The following PHF14 variants were observed in gnomAD, a reference collection of about 807,000 sequenced individuals.
The protein encoded by PHF14 is PHD finger protein 14.
A neutral mutation model predicts 117.9 loss-of-function variants in PHF14; 55 were observed. The observed-to-expected ratio is 0.47, with a 90% CI of 0.38 to 0.58. The LOEUF (loss-of-function observed/expected upper bound fraction) is 0.58. Ranked by LOEUF, PHF14 falls within the 20% of genes least tolerant of loss-of-function variation. The probability of loss-of-function intolerance (pLI) is 0.00; values close to 1 mark genes in which losing one functional copy is unlikely to be tolerated. For synonymous variants in PHF14, 409 were observed against 368.6 expected, an observed-to-expected ratio of 1.11 and a Z score of -1.26; for missense variants, 978 against 1,122.2, an observed-to-expected ratio of 0.87 and a Z score of 1.84.
chr7:11,072,253 T>C (rs956831683), intron 16 of PHF14, among the ~76,000 whole-genome samples: 2 of 152,120 alleles, frequency 1.3e-5, no homozygotes, highest in Non-Finnish European at 2.9e-5. Context: ...ATGTGAGAGA[T>C]GCTGTATACT....
intron 17 of PHF14, among the ~76,000 whole-genome samples, chr7:11,144,533 A>G (rs1788493360): frequency 6.7e-6 from 1 of 150,228 alleles, no homozygotes; most frequent in South Asian, 2.1e-4. Context: ...TAAACTATGT[A>G]CCTGCACCCC....
chr7:10,985,168 C>G (rs559473868), intron 3 of PHF14, among the ~76,000 whole-genome samples: 3 of 152,136 alleles, frequency 2.0e-5, no homozygotes, highest in African/African-American at 7.2e-5. Flanking sequence ...TTTGTATGAT[C>G]TTAATTTTGT....
At chr7:11,103,232 C>A in intron 16 of PHF14, 1 of 922,154 alleles carries the variant, frequency 1.1e-6, no homozygotes, top group Non-Finnish European at 1.3e-6. Context: ...ATTTTAAGCT[C>A]ATGAATAAAG....
chr7:11,109,967 T>G (rs1427696260), intron 16 of PHF14: 1 of 151,896 alleles, frequency 6.6e-6, no homozygotes, highest in African/African-American at 2.4e-5. Flanking sequence ...CTTAGGACAT[T>G]CATTTGTGTT....
chr7:11,108,203 A>G (rs894028595), intron 16 of PHF14: 2 of 151,774 alleles, frequency 1.3e-5, no homozygotes, highest in Admixed American at 1.3e-4. Context: ...ACATAGAGCT[A>G]TGGATTTTTT....
At chr7:11,153,285 G>C (rs752824284) in intron 17 of PHF14, among the ~76,000 whole-genome samples, 1 of 152,138 alleles carries the variant, frequency 6.6e-6, no homozygotes, top group Non-Finnish European at 1.5e-5. Flanking sequence ...AAGATAACAG[G>C]AGTTGGCTAT....
chr7:11,037,524 C>CT (rs1363887052), intron 10 of PHF14, among the ~76,000 whole-genome samples: 1 of 152,180 alleles, frequency 6.6e-6, no homozygotes, highest in South Asian at 2.1e-4. Flanking sequence ...GCTTCACTTT[C>CT]TAAGTTTGTA....
intron 6 of PHF14, among the ~76,000 whole-genome samples, chr7:11,024,292 A>G (rs536952865): frequency 8.5e-5 from 13 of 152,340 alleles, no homozygotes; most frequent in African/African-American, 3.1e-4. Flanking sequence ...GAAAGAAGCC[A>G]TCTCCGTAAT....
At chr7:11,065,186 A>G (rs1329146630) in intron 16 of PHF14, among the ~76,000 whole-genome samples, 1 of 151,998 alleles carries the variant, frequency 6.6e-6, no homozygotes. Flanking sequence ...TTTGCCATCT[A>G]CTTTTAAAAT....
intron 17 of PHF14, among the ~76,000 whole-genome samples, chr7:11,127,153 A>C (rs1787950290): frequency 6.6e-6 from 1 of 151,832 alleles, no homozygotes; most frequent in Non-Finnish European, 1.5e-5. Context: ...TTTAATGTCA[A>C]ATCTTCTATT....
rs539481483 is a variant in PHF14 at position 10,990,966 on chromosome 7, A to C, written c.1045+119A>C. The C allele has an allele frequency of 5.4e-5, 34 of 633,428 alleles. No homozygotes were observed. The East Asian group carries it at 1.0e-3, about 19-fold the overall frequency. 39.2% of individuals were successfully genotyped at this position (633,428 alleles called of 1,614,324 possible). Reference sequence around the variant, plus strand: ...TCGGTTGAAATAATGCTAAATCATCAAAGTATGGATGCTATTTTTCAGGTT... The same window carrying C: ...TCGGTTGAAATAATGCTAAATCATCCAAGTATGGATGCTATTTTTCAGGTT... On this transcript the variant is annotated intron_variant, in intron 4 of 17. Transcript: ENST00000634607.
At chr7:10,982,180 A>G (rs372873525) in intron 2 of PHF14, among the ~76,000 whole-genome samples, 192 bp from the exon 3 acceptor site, 13 of 152,302 alleles carry the variant, frequency 8.5e-5, no homozygotes, top group Admixed American at 4.6e-4. Flanking sequence ...CTGAACTAAA[A>G]CCATTGTATC....
intron 16 of PHF14, among the ~76,000 whole-genome samples, chr7:11,085,417 T>C (rs758190346): frequency 1.1e-4 from 16 of 152,246 alleles, no homozygotes; most frequent in Non-Finnish European, 2.1e-4. Flanking sequence ...ATCATTGATG[T>C]AACCTTTTGT....
intron 17 of PHF14, among the ~76,000 whole-genome samples, chr7:11,138,592 T>G (rs1278259646): frequency 6.6e-6 from 1 of 152,178 alleles, no homozygotes; most frequent in Non-Finnish European, 1.5e-5. Context: ...AAGGAAATAT[T>G]TGGCAGAATA....
chr7:11,127,244 C>CT (rs10668180), intron 17 of PHF14, among the ~76,000 whole-genome samples: 10,293 of 144,984 alleles, frequency 0.071, 394 homozygotes, highest in Middle Eastern at 0.085. Context: ...CTTGCCCCTC[C>CT]TTTTTTTTTT....
chr7:11,154,397 A>G (rs1310341787), intron 17 of PHF14, among the ~76,000 whole-genome samples: 4 of 152,178 alleles, frequency 2.6e-5, no homozygotes, highest in African/African-American at 9.7e-5. Flanking sequence ...CTAAAAATCA[A>G]AGATACAAAG....
chr7:11,107,552 T>C, intron 16 of PHF14: 1 of 876,056 alleles, frequency 1.1e-6, no homozygotes, highest in Non-Finnish European at 1.4e-6. Context: ...ATTAGAGGCT[T>C]AAATGATACT....
chr7:11,106,923 C>A (rs1787285535), intron 16 of PHF14: 2 of 983,294 alleles, frequency 2.0e-6, no homozygotes, highest in Non-Finnish European at 2.4e-6. Flanking sequence ...GTTCCATTGG[C>A]ATAAAAGATA....
At chr7:11,010,015 T>C (rs1401345711) in intron 4 of PHF14, among the ~76,000 whole-genome samples, 1 of 152,224 alleles carries the variant, frequency 6.6e-6, no homozygotes, top group Admixed American at 6.5e-5. Context: ...TGATTTACCT[T>C]GATTTGGCTG....
Sources: allele counts gnomAD v4.1 joint callset (sites outside exome capture counted in the v4.1 genomes callset), GRCh38; gene constraint gnomAD v4.1.1; transcripts MANE v1.5; gene names NCBI Gene and HGNC (gene_info 2026-07-23, HGNC 2026-07-21).